FAT2: variants seen among roughly 807,000 people sequenced by gnomAD.
The protein encoded by FAT2 is protocadherin Fat 2.
FAT2 carries 150 observed loss-of-function variants against 295.3 expected under a neutral mutation model. That is an observed-to-expected ratio of 0.51 (90% CI 0.44 to 0.58). FAT2 has a LOEUF of 0.58. Among genes scored for constraint, FAT2 ranks in the 20% least tolerant of loss-of-function variants. FAT2 has a pLI of 0.00. For synonymous variants in FAT2, 2,026 were observed against 2,150.3 expected, an observed-to-expected ratio of 0.94 and a Z score of 1.60; for missense variants, 4,868 against 5,442.7, an observed-to-expected ratio of 0.89 and a Z score of 3.32.
chr5:151,545,309 T>A lies in FAT2; in HGVS notation c.5818A>T (p.Thr1940Ser). Residue 1940 changes from threonine (T) to serine (S), a missense_variant, in exon 10 of 24, where the codon ACC becomes TCC. Physicochemically the swap from Thr to Ser is moderately conservative, Grantham distance 58 (BLOSUM62 1). Around this residue, in one of 5 missense-constraint regions of FAT2, gnomAD observed 3,297 missense variants for 3,669.4 expected, o/e 0.90. Transcript: ENST00000261800. The stretch of plus-strand genomic sequence containing the variant: ...TACAAGCCATCAGAAGCCCTGATGG[T>A]GAGCTTCCGAGAGAGTCCCAGGAAA... ...PAFLGLSRKL[T>S]IRASDGLYQD... is the part of the protein sequence containing the mutation. The A allele has an allele frequency of 6.2e-7, 1 of 1,614,134 alleles. No homozygotes were observed. Among genetic ancestry groups the A allele is most frequent in the South Asian group, 1.1e-5 (1 of 91,086 alleles).
In FAT2 at chr5:151,545,543, C is replaced by T; in HGVS notation, c.5584G>A (p.Val1862Ile). 1.9e-6 allele frequency: 3 copies of T among 1,614,128 alleles called. No homozygotes were observed. The highest frequency in any genetic ancestry group is 2.5e-6 in the Non-Finnish European group (3 of 1,179,976). The change falls in exon 10 of 24, where the codon GTC becomes ATC. Residue 1862 changes from valine to isoleucine, a missense_variant. Physicochemically the swap from Val to Ile is conservative, Grantham distance 29. Transcript: ENST00000261800. ...APRPAQVIIH[V>I]RDVNDSPPRF... ...GGAGGGGAATCATTCACATCTCTGACATGAATGATGACTTGGGCAGGTCTG... is the reference window on the plus strand; with the variant it reads ...GGAGGGGAATCATTCACATCTCTGATATGAATGATGACTTGGGCAGGTCTG...
At chr5:151,542,221 G>A in intron 10 of FAT2, 64 bp downstream of exon 10, 1 of 1,481,104 alleles carries the variant, frequency 6.8e-7, no homozygotes, top group African/African-American at 1.4e-5. Flanking sequence ...CCATTTTAGG[G>A]CACCTCTTCC....
Position 151,505,982 on chromosome 5 carries a change from T to C in FAT2, c.12633A>G (p.Ser4211=). 1 of 1,571,342 alleles carries C rather than the reference T, an allele frequency of 6.4e-7. No individual in the cohort carries two copies. The highest frequency in any genetic ancestry group is 2.2e-5 in the East Asian group (1 of 44,560). Residue 4211 remains serine (S), a synonymous_variant, in exon 24 of 24, where the codon TCA becomes TCG. Coordinates refer to ENST00000261800, the MANE Select transcript of FAT2 (RefSeq NM_001447.3). Reference sequence around the variant, plus strand: ...TAGGCTCTGGCATCACGACTGGGGTTGAGTGGCGGTGAGCCGAGGGCGGCA... The same window carrying C: ...TAGGCTCTGGCATCACGACTGGGGTCGAGTGGCGGTGAGCCGAGGGCGGCA... The part of the protein sequence containing the change: ...GPLPPSAHRH[S]TPVVMPEPNG...
chr5:151,568,844 C>A lies in FAT2; in HGVS notation c.88G>T (p.Ala30Ser). 6.2e-7 allele frequency: 1 copy of A among 1,613,966 alleles called. No individual in the cohort carries two copies. Among genetic ancestry groups the A allele is most frequent in the Non-Finnish European group, 8.5e-7 (1 of 1,179,976 alleles). Residue 30 changes from alanine (A) to serine (S), a missense_variant, in exon 2 of 24, where the codon GCT becomes TCT. Transcript: ENST00000261800. Reference sequence around the variant, plus strand: ...TAATGGGAGTGTGTGAAGTGCCAAGCAGAGGAGGAGAGAATCCCTTCTAGA... The same window carrying A: ...TAATGGGAGTGTGTGAAGTGCCAAGAAGAGGAGGAGAGAATCCCTTCTAGA... ...KPLEGILSSS[A>S]WHFTHSHYNA...
intron 21 of FAT2, chr5:151,510,457 G>C: frequency 3.6e-6 from 1 of 277,986 alleles, no homozygotes. Context: ...GCTAGTCACT[G>C]TTCCAAGGAT....
chr5:151,549,633 T>C, intron 8 of FAT2, 128 bp from the exon 9 acceptor site: 1 of 699,376 alleles, frequency 1.4e-6, no homozygotes. Context: ...CCCATATTCT[T>C]TTAAATGTTG....
intron 1 of FAT2, among the ~76,000 whole-genome samples, chr5:151,571,450 G>A (rs1008762192): frequency 1.3e-5 from 2 of 152,250 alleles, no homozygotes; most frequent in Non-Finnish European, 2.9e-5. Flanking sequence ...CCCGTGTTGG[G>A]CAGGCCCCAG....
chr5:151,568,615 AG>A lies in FAT2; in HGVS notation c.316del (p.Leu106PhefsTer2). On this transcript the variant is annotated frameshift_variant, in exon 2 of 24. Transcript: ENST00000261800. LOFTEE classifies it high-confidence loss of function. ...RIRTKSSNTA[L>X]LNREVRDSYT... The stretch of plus-strand genomic sequence containing the variant: ...GCTGTCTCGCACCTCTCTGTTCAGA[AG>A]AGCTGTGTTGCTGCTCTTTGTCCTT... 1 of 1,614,196 alleles carries A rather than the reference AG, an allele frequency of 6.2e-7. No homozygotes were observed. The highest frequency in any genetic ancestry group is 8.5e-7 in the Non-Finnish European group (1 of 1,180,028).
At position 151,544,379 on chromosome 5, in the gene FAT2, G is replaced by A. The variant is rs1177005814; in HGVS notation, c.6748C>T (p.Leu2250=). The change falls in exon 10 of 24, where the codon CTG becomes TTG. Residue 2250 remains leucine (L), a synonymous_variant. Coordinates refer to ENST00000261800, the MANE Select transcript of FAT2 (RefSeq NM_001447.3). ...ACTGTGGCTTCAGAAAATGACCCCA[G>A]AGCTGTATCCGTGGCTCTGACTGTG... ...VFTVRATDTA[L]GSFSEATVEV... 1 of 1,614,192 alleles carries A rather than the reference G, an allele frequency of 6.2e-7. No homozygotes were observed. The highest frequency in any genetic ancestry group is 1.7e-5 in the Admixed American group (1 of 60,026).
rs200124157 is a variant in FAT2 at position 151,529,277 on chromosome 5, G to A, written c.9927C>T (p.Val3309=). 428 of 1,613,846 alleles carry A rather than the reference G, an allele frequency of 2.7e-4. No homozygotes were observed. Among genetic ancestry groups the A allele is most frequent in the Non-Finnish European group, 3.5e-4 (409 of 1,179,880 alleles). The change falls in exon 15 of 24, where the codon GTC becomes GTT. Residue 3309 remains valine, a synonymous_variant. Coordinates refer to ENST00000261800, the MANE Select transcript of FAT2 (RefSeq NM_001447.3). ...GGTGTTCATTGACATCAGTGATGTT[G>A]ACCATGACTGTGGTCACGTCACTGA... The part of the protein sequence containing the change: ...SSLSDVTTVM[V]NITDVNEHRP...
chr5:151,594,200 GGTCT>G (rs1377945240), upstream of FAT2, among the ~76,000 whole-genome samples: 4 of 152,082 alleles, frequency 2.6e-5, no homozygotes, highest in African/African-American at 9.7e-5. Flanking sequence ...TCCAAGCCCC[GGTCT>G]GTCTGAAGCC....
chr5:151,556,293 C>T, intron 4 of FAT2, 51 bp downstream of exon 4: 1 of 1,521,416 alleles, frequency 6.6e-7, no homozygotes, highest in Non-Finnish European at 9.1e-7. Flanking sequence ...GGCTCCAAGG[C>T]CTAACATGGC....
At chr5:151,559,608 CTCTT>C (rs768388020) in intron 3 of FAT2, among the ~76,000 whole-genome samples, 11 of 152,002 alleles carry the variant, frequency 7.2e-5, no homozygotes, top group Non-Finnish European at 1.3e-4. Context: ...CTTCCTCTCT[CTCTT>C]CTCCCCCTGT....
Position 151,543,205 on chromosome 5 carries a change from C to G in FAT2, c.7922G>C (p.Gly2641Ala). 6.2e-7 allele frequency: 1 copy of G among 1,614,206 alleles called. No individual in the cohort carries two copies. The highest frequency in any genetic ancestry group is 8.5e-7 in the Non-Finnish European group (1 of 1,180,042). ...KDVIEINPVT[G>A]VVKVKDSLVG... The stretch of plus-strand genomic sequence containing the variant: ...CAGGCTGTCTTTCACCTTGACCACA[C>G]CAGTGACTGGGTTAATTTCAATGAC... The change falls in exon 10 of 24, where the codon GGT (glycine) becomes GCT (alanine). Residue 2641 changes from glycine (G) to alanine (A), a missense_variant. Gly to Ala is a moderately conservative substitution (Grantham distance 60). This residue lies in a region of FAT2 where 3,297 missense variants were observed against 3,669.4 expected (regional missense o/e 0.90). Transcript: ENST00000261800.
At chr5:151,522,463 A>C (rs1351534466) in intron 18 of FAT2, among the ~76,000 whole-genome samples, 1 of 152,158 alleles carries the variant, frequency 6.6e-6, no homozygotes. Flanking sequence ...TGTCTCAGCA[A>C]TTCTGATGCA....
rs752054687 is a variant in FAT2 at position 151,505,606 on chromosome 5, C to T, written c.13009G>A (p.Val4337Met). 8.7e-6 allele frequency: 14 copies of T among 1,614,100 alleles called. 1 individual carries two copies. The South Asian group carries it at 1.3e-4, about 15-fold the overall frequency. ...TCACAGCTGCCATAATCACTCTCCACCATGTCAGAGCCCTCATAGTTGGGG... is the reference window on the plus strand; with the variant it reads ...TCACAGCTGCCATAATCACTCTCCATCATGTCAGAGCCCTCATAGTTGGGG... ...VPPNYEGSDM[V>M]ESDYGSCEEV... The change falls in exon 24 of 24, where the codon GTG becomes ATG. Residue 4337 changes from valine (V) to methionine (M), a missense_variant. Physicochemically the swap from Val to Met is conservative, Grantham distance 21. This residue lies in a region of FAT2 where 492 missense variants were observed against 482.6 expected (regional missense o/e 1.02). Coordinates refer to ENST00000261800, the MANE Select transcript of FAT2 (RefSeq NM_001447.3).
rs1760729437 is a variant in FAT2, at chr5:151,504,974, A to G, written c.*591T>C. On this transcript the variant is annotated 3_prime_UTR_variant, in exon 24 of 24. Transcript: ENST00000261800. ...CCATTTTCTCCCCGGTGCAAAGCAC[A>G]GTGCCTGACGTGGAGCAGACACTTG... 6.5e-6 allele frequency: 1 copy of G among 153,282 alleles called. No individual in the cohort carries two copies. The highest frequency in any genetic ancestry group is 6.5e-5 in the Admixed American group (1 of 15,302). The allele number at this position is 153,282 out of a possible 1,614,324, so 9.5% of individuals were successfully genotyped here.
At chr5:151,548,226 T>C (rs1192390347) in intron 9 of FAT2, among the ~76,000 whole-genome samples, 2 of 152,118 alleles carry the variant, frequency 1.3e-5, no homozygotes, top group Non-Finnish European at 2.9e-5. Context: ...CATTAGGTCT[T>C]GTGAGGGCAG....
chr5:151,565,651 C>CCCCCCA, intron 2 of FAT2, 22 bp downstream of exon 2: 37 of 1,440,656 alleles, frequency 2.6e-5, no homozygotes, highest in Non-Finnish European at 3.2e-5. Flanking sequence ...CCTGGCACCC[C>CCCCCCA]ACCCTACCCC....
Sources: gnomAD v4.1 joint callset for allele counts (sites outside exome capture counted in the v4.1 genomes callset) on GRCh38, gnomAD v4.1.1 for gene constraint, gnomAD v4.1.1 regional missense constraint, MANE v1.5 for transcripts, NCBI Gene and HGNC (gene_info 2026-07-23, HGNC 2026-07-21) for gene names.